The following NFAT5 variants were observed in gnomAD, a reference collection of about 807,000 sequenced individuals.
The protein encoded by NFAT5 is nuclear factor of activated T cells 5, also known as nuclear factor of activated T-cells 5.
NFAT5 carries 31 observed loss-of-function variants against 166.5 expected under a neutral mutation model. The observed-to-expected ratio is 0.19, with a 90% CI of 0.14 to 0.25. NFAT5 has a LOEUF of 0.25. NFAT5 is among the 10% of genes least tolerant of loss of function. NFAT5 has a pLI of 1.00. For synonymous variants in NFAT5, 612 were observed against 639.7 expected (o/e 0.96, Z 0.65); for missense variants, 1,449 against 1,821.8 (o/e 0.80, Z 3.72).
chr16:69,597,892 C>G (rs565580840), intron 2 of NFAT5, among the ~76,000 whole-genome samples: 2 of 152,120 alleles, frequency 1.3e-5, no homozygotes, highest in Admixed American at 6.5e-5. Context: ...CACGCCCAGC[C>G]GGACCTAGTG....
rs916626170 is a variant in NFAT5, at chr16:69,703,219, A to T, written c.*6868A>T. 6.6e-6 allele frequency: 1 copy of T among 152,614 alleles called. No homozygotes were observed. The highest frequency in any genetic ancestry group is 6.5e-5 in the Admixed American group (1 of 15,268). 9.5% of individuals were successfully genotyped at this position (152,614 alleles called of 1,614,324 possible). A position where few individuals can be genotyped will look rare whatever the true frequency, so the allele number is the denominator to read the frequency against. On this transcript the variant is annotated 3_prime_UTR_variant, in exon 15 of 15. Transcript: ENST00000349945. ...ATTTGTATCTGAGATAGTAAACAAG[A>T]TGGCTGGCCAGGTCAACATGGCACC...
intron 11 of NFAT5, among the ~76,000 whole-genome samples, chr16:69,688,996 G>A (rs755852839): frequency 3.9e-5 from 6 of 152,216 alleles, no homozygotes; most frequent in Non-Finnish European, 8.8e-5. Flanking sequence ...GTTGTAGGCC[G>A]AGTGTGGTGG....
chr16:69,587,944 C>CTTTTT (rs61460423), intron 2 of NFAT5, among the ~76,000 whole-genome samples: 7 of 68,248 alleles, frequency 1.0e-4, no homozygotes, highest in East Asian at 4.9e-4. Flanking sequence ...ATAGTGCTTT[C>CTTTTT]TTTTTTTTTT....
Position 69,566,076 on chromosome 16 carries a change from T to C in NFAT5, c.-226T>C. 2.5e-6 allele frequency: 1 copy of C among 407,862 alleles called. No individual in the cohort carries two copies. The highest frequency in any genetic ancestry group is 4.4e-6 in the Non-Finnish European group (1 of 225,606). The allele number at this position is 407,862 out of a possible 1,614,324, so 25.3% of individuals were successfully genotyped here. On this transcript the variant is annotated 5_prime_UTR_variant, in exon 1 of 15. Transcript: ENST00000349945. This position sits in a 1 kb window ranked among gnomAD's most constrained non-coding sequence, Gnocchi z 5.7. Reference sequence around the variant, plus strand: ...CTTCCCCTTCCCCGTCCTGAACCCCTCTCCTGGTCACCGAGAATCAGTCCC... The same window carrying C: ...CTTCCCCTTCCCCGTCCTGAACCCCCCTCCTGGTCACCGAGAATCAGTCCC...
intron 2 of NFAT5, among the ~76,000 whole-genome samples, chr16:69,582,977 T>A (rs917941310): frequency 6.6e-6 from 1 of 151,766 alleles, no homozygotes; most frequent in African/African-American, 2.4e-5. Flanking sequence ...CTTAATAATA[T>A]TAAATATTTT....
intron 2 of NFAT5, among the ~76,000 whole-genome samples, chr16:69,599,875 G>A (rs2033030076): frequency 6.6e-6 from 1 of 152,156 alleles, no homozygotes; most frequent in Non-Finnish European, 1.5e-5. Context: ...GAAAGGGAGA[G>A]AGATATTAAG....
chr16:69,658,028 G>C (rs55812380), intron 6 of NFAT5, among the ~76,000 whole-genome samples: 1 of 150,184 alleles, frequency 6.7e-6, no homozygotes, highest in South Asian at 2.1e-4. Context: ...GACTTGCAGC[G>C]AGCCAAGATC....
intron 2 of NFAT5, among the ~76,000 whole-genome samples, chr16:69,586,463 T>C (rs1326976527): frequency 6.6e-6 from 1 of 152,070 alleles, no homozygotes; most frequent in Admixed American, 6.6e-5. Flanking sequence ...AATGCAGTGG[T>C]GCAATCTTGG....
At position 69,573,308 on chromosome 16, in the gene NFAT5, A is replaced by G. The variant is rs566235008; in HGVS notation, c.127+4760A>G. ...ATACTTCATAGTGCAAAAATGGAAA[A>G]TCCTAAACATAGTAGCAATGTTTTA... On this transcript the variant is annotated intron_variant, in intron 2 of 14. Transcript: ENST00000349945. 2.5e-4 allele frequency among the ~76,000 whole-genome samples: 38 copies of G among 152,282 alleles called. 2 individuals are homozygous for G. In the South Asian group the frequency reaches 7.5e-3, roughly 30 times the overall value.
intron 11 of NFAT5, among the ~76,000 whole-genome samples, chr16:69,689,553 C>G (rs1336317634): frequency 2.0e-5 from 3 of 152,140 alleles, no homozygotes; most frequent in African/African-American, 7.2e-5. Context: ...TATTTACTTT[C>G]AGCAGATTTT....
rs1325042576 is a variant in NFAT5, at chr16:69,698,997, G to T, written c.*2646G>T. The T allele has an allele frequency of 1.3e-5, 2 of 152,588 alleles. No individual in the cohort carries two copies. Among genetic ancestry groups the T allele is most frequent in the Non-Finnish European group, 2.9e-5 (2 of 68,038 alleles). The allele number at this position is 152,588 out of a possible 1,614,324, so 9.5% of individuals were successfully genotyped here. A position where few individuals can be genotyped will look rare whatever the true frequency, so the allele number is the denominator to read the frequency against. On this transcript the variant is annotated 3_prime_UTR_variant, in exon 15 of 15. Coordinates refer to ENST00000349945, the MANE Select transcript of NFAT5 (RefSeq NM_138713.4). ...TGAGGAGGATCAGCCACACAATCCA[G>T]TGCTTCAGTTTGAAAATGTAAAATT...
At chr16:69,626,201 C>T (rs553359524) in intron 2 of NFAT5, among the ~76,000 whole-genome samples, 1 of 151,866 alleles carries the variant, frequency 6.6e-6, no homozygotes, top group East Asian at 1.9e-4. Flanking sequence ...AATCCTCTCA[C>T]CTTGGCTTCC....
At chr16:69,597,099 A>T (rs2032840965) in intron 2 of NFAT5, among the ~76,000 whole-genome samples, 1 of 152,134 alleles carries the variant, frequency 6.6e-6, no homozygotes, top group Non-Finnish European at 1.5e-5. Flanking sequence ...CAGAGGGGAG[A>T]ATACCATGTT....
Position 69,692,815 on chromosome 16 carries a change from C to T in NFAT5, c.2990C>T (p.Thr997Ile), listed in dbSNP as rs778732212. ...ACACAGCAGGTTGCAACCCCTGGCACTACCATGTTTCAGACATCAAGTTCA... is the reference window on the plus strand; with the variant it reads ...ACACAGCAGGTTGCAACCCCTGGCATTACCATGTTTCAGACATCAAGTTCA... ...TTTQQVATPG[T>I]TMFQTSSSGD... is the part of the protein sequence containing the mutation. Residue 997 changes from threonine to isoleucine, a missense_variant, in exon 13 of 15, where the codon ACT becomes ATT. Coordinates refer to ENST00000349945, the MANE Select transcript of NFAT5 (RefSeq NM_138713.4). The T allele has an allele frequency of 2.5e-6, 4 of 1,614,192 alleles. No individual in the cohort carries two copies. The highest frequency in any genetic ancestry group is 1.7e-6 in the Non-Finnish European group (2 of 1,180,032).
chr16:69,653,933 A>G (rs1343134798), intron 5 of NFAT5, among the ~76,000 whole-genome samples: 1 of 152,160 alleles, frequency 6.6e-6, no homozygotes, highest in Admixed American at 6.6e-5. Flanking sequence ...TGGACTGAGA[A>G]AAGACTTGAT....
intron 3 of NFAT5, among the ~76,000 whole-genome samples, chr16:69,627,014 A>G (rs979024033): frequency 6.6e-6 from 1 of 151,940 alleles, no homozygotes; most frequent in Non-Finnish European, 1.5e-5. Flanking sequence ...CGTAGTTTTC[A>G]ATTTATTGAA....
At chr16:69,597,460 A>G (rs753894206) in intron 2 of NFAT5, among the ~76,000 whole-genome samples, 11 of 152,176 alleles carry the variant, frequency 7.2e-5, no homozygotes, top group Non-Finnish European at 1.5e-4. Context: ...ACTGTTCATC[A>G]TGGTGAACTC....
chr16:69,584,251 C>T (rs965466113), intron 2 of NFAT5, among the ~76,000 whole-genome samples: 8 of 151,372 alleles, frequency 5.3e-5, no homozygotes, highest in African/African-American at 1.9e-4. Flanking sequence ...ATAATTGGAA[C>T]TATTTAATCT....
At chr16:69,568,914 T>A (rs2016271536) in intron 2 of NFAT5, among the ~76,000 whole-genome samples, 1 of 152,238 alleles carries the variant, frequency 6.6e-6, no homozygotes, top group Non-Finnish European at 1.5e-5. Context: ...ATAATTAGTT[T>A]GAAAATTCAG....
Sources: allele counts gnomAD v4.1 joint callset (sites outside exome capture counted in the v4.1 genomes callset), GRCh38; gene constraint gnomAD v4.1.1; non-coding constraint Gnocchi (gnomAD v3.1); transcripts MANE v1.5; gene names NCBI Gene and HGNC (gene_info 2026-07-23, HGNC 2026-07-21).